OSBPL6: variants seen among roughly 807,000 people sequenced by gnomAD.
OSBPL6 encodes the protein oxysterol binding protein like 6.
A neutral mutation model predicts 125.8 loss-of-function variants in OSBPL6; 49 were observed. The ratio of observed to expected loss-of-function variants is 0.39; its 90% CI spans 0.31 to 0.49. The LOEUF is 0.49. OSBPL6 is among the 20% of genes least tolerant of loss of function. The pLI, the probability that OSBPL6 is intolerant of heterozygous loss-of-function variation, is 0.88. For synonymous variants in OSBPL6, 394 were observed against 391.8 expected (o/e 1.01, Z -0.07); for missense variants, 986 against 1,135.4 (o/e 0.87, Z 1.89).
chr2:178,233,142 A>G (rs2153982731), intron 1 of OSBPL6, among the ~76,000 whole-genome samples: 1 of 152,300 alleles, frequency 6.6e-6, no homozygotes, highest in East Asian at 1.9e-4. Flanking sequence ...AAAACAGCTG[A>G]TTCAAGAAAC....
At chr2:178,276,888 A>G (rs558759507) in intron 1 of OSBPL6, among the ~76,000 whole-genome samples, 1 of 151,550 alleles carries the variant, frequency 6.6e-6, no homozygotes, top group South Asian at 2.1e-4. Context: ...TCAAGCCACC[A>G]CAGCTGGATT....
chr2:178,238,039 A>T (rs1354365343), intron 1 of OSBPL6, among the ~76,000 whole-genome samples: 1 of 152,148 alleles, frequency 6.6e-6, no homozygotes, highest in Admixed American at 6.6e-5. Flanking sequence ...CAATTCCTTG[A>T]TTGTCTGCAA....
chr2:178,246,474 C>A (rs1358380744), intron 1 of OSBPL6, among the ~76,000 whole-genome samples: 3 of 152,122 alleles, frequency 2.0e-5, no homozygotes, highest in Non-Finnish European at 4.4e-5. Flanking sequence ...GGTGTGAGAA[C>A]TGAGTTACCA....
intron 2 of OSBPL6, among the ~76,000 whole-genome samples, chr2:178,285,560 A>G (rs527816479): frequency 2.4e-4 from 37 of 152,336 alleles, no homozygotes; most frequent in African/African-American, 8.4e-4. Flanking sequence ...ACAATGAGAC[A>G]GTCAACTTTT....
At chr2:178,269,402 C>A (rs534314694) in intron 1 of OSBPL6, among the ~76,000 whole-genome samples, 1 of 152,312 alleles carries the variant, frequency 6.6e-6, no homozygotes, top group South Asian at 2.1e-4. Flanking sequence ...ATACTCACTT[C>A]TCTTGGGTAT....
At chr2:178,286,623 C>T (rs1023282788) in intron 2 of OSBPL6, among the ~76,000 whole-genome samples, 3 of 152,086 alleles carry the variant, frequency 2.0e-5, no homozygotes, top group Non-Finnish European at 4.4e-5. Context: ...TCATTTTTTC[C>T]AGATGTGGAG....
intron 11 of OSBPL6, among the ~76,000 whole-genome samples, chr2:178,340,135 T>C (rs1026625967): frequency 6.6e-6 from 1 of 152,122 alleles, no homozygotes; most frequent in Non-Finnish European, 1.5e-5. Flanking sequence ...AAAGGGACTT[T>C]TATGTGTCAG....
chr2:178,265,945 C>T (rs2092219373), intron 1 of OSBPL6, among the ~76,000 whole-genome samples: 1 of 152,060 alleles, frequency 6.6e-6, no homozygotes, highest in African/African-American at 2.4e-5. Flanking sequence ...AATGCTGAAA[C>T]AAAAATGCAG....
intron 14 of OSBPL6, among the ~76,000 whole-genome samples, chr2:178,373,321 A>T (rs1693573328): frequency 8.5e-6 from 1 of 116,974 alleles, no homozygotes; most frequent in Non-Finnish European, 1.8e-5. Flanking sequence ...ATATATATAC[A>T]TTTCTCTTAC....
intron 13 of OSBPL6, among the ~76,000 whole-genome samples, chr2:178,365,300 A>C (rs1692726266): frequency 6.6e-6 from 1 of 152,252 alleles, no homozygotes; most frequent in African/African-American, 2.4e-5. Flanking sequence ...ACAAGGCTTT[A>C]AATATATCAG....
chr2:178,358,859 AT>A (rs527799241), intron 12 of OSBPL6, among the ~76,000 whole-genome samples: 49 of 152,304 alleles, frequency 3.2e-4, no homozygotes, highest in Admixed American at 2.5e-3. Flanking sequence ...ATGGGAAAAA[AT>A]ATTTGCAAAC....
In OSBPL6 at chr2:178,279,444, A is replaced by G. The variant is rs561010913; in HGVS notation, c.-350-5483A>G. 2.3e-4 allele frequency among the ~76,000 whole-genome samples: 35 copies of G among 152,368 alleles called. 1 individual carries two copies. In the South Asian group the frequency reaches 7.2e-3, roughly 32 times the overall value. On this transcript the variant is annotated intron_variant, in intron 1 of 24. Coordinates refer to ENST00000190611, the MANE Select transcript of OSBPL6 (RefSeq NM_032523.4). ...TAAACTCTTCTGAATGAGATTTTCC[A>G]GAGACGCCCACTGGCTAGTACTGGT...
chr2:178,198,338 T>A (rs1218532681), intron 1 of OSBPL6, among the ~76,000 whole-genome samples: 2 of 152,116 alleles, frequency 1.3e-5, no homozygotes, highest in Admixed American at 1.3e-4. Context: ...AATCTCGCTC[T>A]GTCGCCCAGG....
chr2:178,206,441 ACATAAC>A (rs1403636158), intron 1 of OSBPL6, among the ~76,000 whole-genome samples: 1 of 152,210 alleles, frequency 6.6e-6, no homozygotes, highest in Non-Finnish European at 1.5e-5. Flanking sequence ...GGCCACTGTC[ACATAAC>A]CTGTATATTT....
intron 18 of OSBPL6, 33 bp from the exon 19 acceptor site, chr2:178,385,425 T>C (rs1184709722): frequency 3.3e-6 from 5 of 1,515,882 alleles, no homozygotes; most frequent in Non-Finnish European, 4.6e-6. Flanking sequence ...GTCTTAACAC[T>C]GATACTGCCT....
At chr2:178,277,253 T>C (rs904200295) in intron 1 of OSBPL6, among the ~76,000 whole-genome samples, 4 of 152,242 alleles carry the variant, frequency 2.6e-5, no homozygotes, top group Non-Finnish European at 5.9e-5. Context: ...TAATATTTAT[T>C]CTTTGGATTT....
At chr2:178,333,848 G>A (rs866069932) in intron 8 of OSBPL6, among the ~76,000 whole-genome samples, 2 of 152,154 alleles carry the variant, frequency 1.3e-5, no homozygotes, top group Admixed American at 1.3e-4. Flanking sequence ...AAGTGGTCAG[G>A]CACTGTGTTA....
At chr2:178,331,059 A>G (rs1017307081) in intron 5 of OSBPL6, among the ~76,000 whole-genome samples, 5 of 152,298 alleles carry the variant, frequency 3.3e-5, no homozygotes, top group Admixed American at 1.3e-4. Flanking sequence ...TTTCCAGATA[A>G]TTCATTATTC....
chr2:178,200,247 CTTTTTTTTTT>C (rs767677596), intron 1 of OSBPL6, among the ~76,000 whole-genome samples: 7 of 109,742 alleles, frequency 6.4e-5, no homozygotes, highest in African/African-American at 2.7e-4. Flanking sequence ...TTCTTCAGAC[CTTTTTTTTTT>C]TTTTTTTTTT....
Sources: allele counts gnomAD v4.1 joint callset (sites outside exome capture counted in the v4.1 genomes callset), GRCh38; gene constraint gnomAD v4.1.1; transcripts MANE v1.5; gene names NCBI Gene and HGNC (gene_info 2026-07-23, HGNC 2026-07-21).